The following FRMPD4 variants were observed in gnomAD, a reference collection of about 807,000 sequenced individuals.
FRMPD4 encodes FERM and PDZ domain containing 4.
A neutral mutation model predicts 94.1 loss-of-function variants in FRMPD4; 22 were observed. The ratio of observed to expected loss-of-function variants is 0.23; its 90% CI spans 0.17 to 0.33. The LOEUF is 0.33. Among genes scored for constraint, FRMPD4 ranks in the 10% least tolerant of loss-of-function variants. The probability of loss-of-function intolerance (pLI) is 1.00; values close to 1 mark genes in which losing one functional copy is unlikely to be tolerated. For missense variants in FRMPD4, 1,111 were observed against 1,339.9 expected, an observed-to-expected ratio of 0.83 and a Z score of 2.67; for synonymous variants, 631 against 548.6, an observed-to-expected ratio of 1.15 and a Z score of -2.10.
intron 1 of FRMPD4, among the ~76,000 whole-genome samples, chrX:12,219,499 G>A (rs952688941): frequency 8.9e-6 from 1 of 112,266 alleles, no homozygotes; most frequent in African/African-American, 3.2e-5. Context: ...GAGGTACTTT[G>A]ACTTTTGTCA....
chrX:11,869,714 A>G (rs2053745196), intron 2 of FRMPD4, among the ~76,000 whole-genome samples: 1 of 111,982 alleles, frequency 8.9e-6, no homozygotes, highest in Admixed American at 9.5e-5. Context: ...TTGTTTGTCA[A>G]TACACATCAC....
At chrX:11,842,734 C>G (rs1197459865) in intron 1 of FRMPD4, among the ~76,000 whole-genome samples, 1 of 93,185 alleles carries the variant, frequency 1.1e-5, no homozygotes, top group South Asian at 5.3e-4. Flanking sequence ...ATTGAATACC[C>G]TTTATTTCCT....
At chrX:11,909,412 G>C (rs1055516878) in intron 3 of FRMPD4, among the ~76,000 whole-genome samples, 5 of 111,194 alleles carry the variant, frequency 4.5e-5, no homozygotes, top group Non-Finnish European at 9.4e-5. Flanking sequence ...TTTTATTCCT[G>C]ACATTGTTGA....
At chrX:12,101,749 T>TGAAG (rs1207545710) in intron 3 of FRMPD4, among the ~76,000 whole-genome samples, 2 of 111,604 alleles carry the variant, frequency 1.8e-5, no homozygotes, top group Non-Finnish European at 3.8e-5. Flanking sequence ...AAGAAAGGAA[T>TGAAG]GAAGGAAGGG....
At chrX:12,580,446 G>GT (rs767357248) in intron 2 of FRMPD4, among the ~76,000 whole-genome samples, 1 of 111,943 alleles carries the variant, frequency 8.9e-6, no homozygotes, top group East Asian at 2.8e-4. Flanking sequence ...TATATACAAT[G>GT]TTTTTCCTAT....
chrX:12,541,338 G>A (rs1602098597), intron 2 of FRMPD4, among the ~76,000 whole-genome samples: 1 of 110,812 alleles, frequency 9.0e-6, no homozygotes, highest in East Asian at 2.8e-4. Flanking sequence ...TTGATAGACG[G>A]CTACCAAGAT....
chrX:12,216,736 G>A (rs746840666), intron 1 of FRMPD4, among the ~76,000 whole-genome samples: 9 of 111,816 alleles, frequency 8.0e-5, no homozygotes, highest in Non-Finnish European at 1.5e-4. Flanking sequence ...TATCTGGGAG[G>A]CACATTCATC....
intron 7 of FRMPD4, among the ~76,000 whole-genome samples, chrX:12,686,457 T>C (rs1181411497): frequency 8.9e-6 from 1 of 112,174 alleles, no homozygotes; most frequent in East Asian, 2.8e-4. Flanking sequence ...GAAGAAACAC[T>C]AGAGCTAGTC....
intron 1 of FRMPD4, among the ~76,000 whole-genome samples, chrX:12,265,752 AC>A (rs369724980): frequency 6.6e-4 from 70 of 105,333 alleles, no homozygotes; most frequent in South Asian, 8.7e-4. Flanking sequence ...TCAGTTAAGA[AC>A]CCCCCCCCAA....
intron 1 of FRMPD4, among the ~76,000 whole-genome samples, chrX:12,191,381 A>G (rs1423692776): frequency 8.9e-6 from 1 of 111,840 alleles, no homozygotes; most frequent in African/African-American, 3.2e-5. Flanking sequence ...CGATCCAGCA[A>G]TTGCACACCT....
intron 1 of FRMPD4, among the ~76,000 whole-genome samples, chrX:12,215,297 A>T (rs767187269): frequency 9.1e-6 from 1 of 110,203 alleles, no homozygotes; most frequent in African/African-American, 3.3e-5. Flanking sequence ...CCTCTCTCTC[A>T]CTCTGATCTT....
At chrX:12,505,217 C>G (rs185607496) in intron 2 of FRMPD4, among the ~76,000 whole-genome samples, 2 of 111,540 alleles carry the variant, frequency 1.8e-5, no homozygotes, top group Non-Finnish European at 3.8e-5. Context: ...TTTTGAGTGG[C>G]CTCTGGACCT....
intron 1 of FRMPD4, among the ~76,000 whole-genome samples, chrX:12,344,511 C>T (rs1038939700): frequency 9.0e-6 from 1 of 111,705 alleles, no homozygotes; most frequent in Non-Finnish European, 1.9e-5. Flanking sequence ...CAGTCCTTGT[C>T]AAAACCAACC....
At chrX:12,715,998 G>GCCGGGGGGGCCCCC in intron 14 of FRMPD4, 71 bp from the exon 15 acceptor site, 1 of 383,857 alleles carries the variant, frequency 2.6e-6, no homozygotes, top group Admixed American at 3.7e-5. Flanking sequence ...ACAGAGACGA[G>GCCGGGGGGGCCCCC]CCTCCCACCC....
At chrX:12,342,219 T>C (rs140114407) in intron 1 of FRMPD4, among the ~76,000 whole-genome samples, 1 of 112,208 alleles carries the variant, frequency 8.9e-6, no homozygotes, top group Non-Finnish European at 1.9e-5. Context: ...GGTTCCATAA[T>C]CTAAAAGAGG....
chrX:12,009,998 A>C (rs1416247553), intron 3 of FRMPD4, among the ~76,000 whole-genome samples: 2 of 112,155 alleles, frequency 1.8e-5, no homozygotes, highest in African/African-American at 6.5e-5. Flanking sequence ...ATGATTATTA[A>C]TTTACTAACT....
intron 1 of FRMPD4, among the ~76,000 whole-genome samples, chrX:12,474,977 C>T (rs2057573789): frequency 8.9e-6 from 1 of 111,771 alleles, no homozygotes; most frequent in Non-Finnish European, 1.9e-5. Flanking sequence ...CCAGCATCAT[C>T]CTGATACCAA....
At chrX:11,928,137 A>G (rs2054100088) in intron 3 of FRMPD4, among the ~76,000 whole-genome samples, 1 of 112,492 alleles carries the variant, frequency 8.9e-6, no homozygotes, top group Non-Finnish European at 1.9e-5. Context: ...GTGGCAAACA[A>G]TCATATGAAG....
At chrX:12,060,671 TG>T (rs1282146992) in intron 3 of FRMPD4, among the ~76,000 whole-genome samples, 4 of 111,499 alleles carry the variant, frequency 3.6e-5, no homozygotes, top group Non-Finnish European at 7.5e-5. Flanking sequence ...CTTACTCACT[TG>T]TCTTTACCTG....
Sources: allele counts gnomAD v4.1 joint callset (sites outside exome capture counted in the v4.1 genomes callset), GRCh38; gene constraint gnomAD v4.1.1; transcripts MANE v1.5; gene names NCBI Gene and HGNC (gene_info 2026-07-23, HGNC 2026-07-21).